Variants in KAZN observed in about 807,000 individuals in gnomAD.
The protein encoded by KAZN is kazrin.
A neutral mutation model predicts 87.4 loss-of-function variants in KAZN; 40 were observed. The ratio of observed to expected loss-of-function variants is 0.46; its 90% CI spans 0.36 to 0.60. The LOEUF (loss-of-function observed/expected upper bound fraction) is 0.60. KAZN is among the 20% of genes least tolerant of loss of function. KAZN has a pLI of 0.00. For synonymous variants in KAZN, 466 were observed against 458.3 expected (o/e 1.02, Z -0.22); for missense variants, 898 against 1,073.9 (o/e 0.84, Z 2.29).
intron 1 of KAZN, among the ~76,000 whole-genome samples, chr1:14,943,341 C>T (rs1168771752): frequency 1.3e-5 from 2 of 152,068 alleles, no homozygotes; most frequent in African/African-American, 4.8e-5. Flanking sequence ...TGCAGGATCA[C>T]TTCCTCAGCA....
chr1:13,936,384 G>T (rs1640746348), intron 1 of KAZN, among the ~76,000 whole-genome samples: 1 of 152,072 alleles, frequency 6.6e-6, no homozygotes, highest in East Asian at 1.9e-4. Flanking sequence ...TTACTGGCAT[G>T]AGCCACCATG....
chr1:14,469,938 A>G (rs1355730763), intron 2 of KAZN, among the ~76,000 whole-genome samples: 2 of 152,164 alleles, frequency 1.3e-5, no homozygotes. Context: ...TAAAACACAA[A>G]GAAATAGTGT....
chr1:14,696,613 C>T (rs1641616275), intron 1 of KAZN, among the ~76,000 whole-genome samples: 1 of 152,212 alleles, frequency 6.6e-6, no homozygotes, highest in Non-Finnish European at 1.5e-5. Context: ...ACAGCAAGAG[C>T]ATCCCCATAG....
At chr1:15,057,991 C>T (rs1455237583) in intron 5 of KAZN, among the ~76,000 whole-genome samples, 1 of 152,238 alleles carries the variant, frequency 6.6e-6, no homozygotes, top group Non-Finnish European at 1.5e-5. Flanking sequence ...GTATCTGCCT[C>T]ACATACAACC....
chr1:14,932,539 C>G (rs752697442), intron 1 of KAZN, among the ~76,000 whole-genome samples: 5 of 152,146 alleles, frequency 3.3e-5, no homozygotes, highest in African/African-American at 1.2e-4. Context: ...TTAAATTGTA[C>G]TTAATTGTAA....
chr1:14,357,712 T>C (rs1397491607), intron 2 of KAZN, among the ~76,000 whole-genome samples: 1 of 152,246 alleles, frequency 6.6e-6, no homozygotes, highest in African/African-American at 2.4e-5. Flanking sequence ...TCTGTTTATG[T>C]GACGGATTAC....
In KAZN at chr1:14,101,357, A is replaced by C. The variant is rs574747808; in HGVS notation, c.92-79078A>C. On this transcript the variant is annotated intron_variant, in intron 1 of 16. Transcript: ENST00000636203. The stretch of plus-strand genomic sequence containing the variant: ...CATTCATCTCTTTGGATGACGGTTT[A>C]TAAGATAAATACTGTTTTTATCTCC... Among the ~76,000 whole-genome samples the C allele has an allele frequency of 2.0e-5, 3 of 152,388 alleles. No homozygotes were observed. In the South Asian group the frequency reaches 6.2e-4, roughly 32 times the overall value.
At chr1:14,977,516 C>G (rs558233551) in intron 2 of KAZN, among the ~76,000 whole-genome samples, 26 of 152,370 alleles carry the variant, frequency 1.7e-4, no homozygotes, top group Middle Eastern at 6.8e-3. Flanking sequence ...ACCAGATCCA[C>G]CTGTGGAATG....
intron 10 of KAZN, among the ~76,000 whole-genome samples, 159 bp downstream of exon 10, chr1:15,095,092 C>A (rs1640747350): frequency 6.6e-6 from 1 of 152,136 alleles, no homozygotes; most frequent in Non-Finnish European, 1.5e-5. Flanking sequence ...GATGAGGGGG[C>A]TTGGGCATAC....
chr1:14,752,922 G>C (rs951428847), intron 1 of KAZN, among the ~76,000 whole-genome samples: 4 of 152,186 alleles, frequency 2.6e-5, no homozygotes, highest in Non-Finnish European at 5.9e-5. Context: ...CTGTGCATTT[G>C]GACCACTCAG....
At chr1:14,661,484 G>C (rs1639160631) in intron 1 of KAZN, among the ~76,000 whole-genome samples, 1 of 152,152 alleles carries the variant, frequency 6.6e-6, no homozygotes, top group South Asian at 2.1e-4. Context: ...CAACTCTGCT[G>C]TTGTAACAGG....
At chr1:14,242,226 G>A (rs537125133) in intron 2 of KAZN, among the ~76,000 whole-genome samples, 3 of 152,290 alleles carry the variant, frequency 2.0e-5, no homozygotes, top group South Asian at 2.1e-4. Context: ...AATAAGAGGA[G>A]AATTACACAG....
At chr1:14,971,244 G>A (rs10737905) in intron 2 of KAZN, among the ~76,000 whole-genome samples, 62,404 of 151,970 alleles carry the variant, frequency 0.41, 15,467 homozygotes, top group African/African-American at 0.7. Context: ...CTAAAAATAC[G>A]AAAATTAGCC....
intron 2 of KAZN, among the ~76,000 whole-genome samples, chr1:14,525,254 G>T (rs979310423): frequency 2.0e-5 from 3 of 151,458 alleles, no homozygotes; most frequent in African/African-American, 7.3e-5. Flanking sequence ...CAGCCATACA[G>T]AATTAGCTTG....
In KAZN at chr1:15,100,800, G is replaced by A. The variant is rs558849736; in HGVS notation, c.1548-743G>A. ...AAAGTTGGAGCATCCCATCTGCAGA[G>A]CGAGGACGGCAGCTTTGCCTTCTTC... On this transcript the variant is annotated intron_variant, in intron 10 of 14. Coordinates refer to ENST00000376030, the MANE Select transcript of KAZN (RefSeq NM_201628.3). Among the ~76,000 whole-genome samples, 29 of 152,364 alleles carry A rather than the reference G, an allele frequency of 1.9e-4. No individual in the cohort carries two copies. In the South Asian group the frequency reaches 4.6e-3, roughly 24 times the overall value.
At chr1:14,278,980 G>C (rs1000702374) in intron 2 of KAZN, among the ~76,000 whole-genome samples, 2 of 124,698 alleles carry the variant, frequency 1.6e-5, no homozygotes, top group South Asian at 5.0e-4. Context: ...ACATGCCACT[G>C]CGTCAATCAG....
Position 14,944,365 on chromosome 1 carries a change from G to T in KAZN, c.227-16319G>T, listed in dbSNP as rs993735647. Among the ~76,000 whole-genome samples, 9 of 152,250 alleles carry T rather than the reference G, an allele frequency of 5.9e-5. No homozygotes were observed. The East Asian group carries it at 1.3e-3, about 23-fold the overall frequency. On this transcript the variant is annotated intron_variant, in intron 1 of 14. Transcript: ENST00000376030. ...GCTGTGTTCATTTCTAGTCCTGAAA[G>T]GTTGTGGCCTGATGCCGGGGAGACA...
At chr1:14,250,594 C>T (rs1417624319) in intron 2 of KAZN, among the ~76,000 whole-genome samples, 3 of 151,456 alleles carry the variant, frequency 2.0e-5, no homozygotes, top group Non-Finnish European at 4.4e-5. Context: ...TGAGATTCAA[C>T]ATTAAGACTT....
chr1:14,966,964 C>T (rs570513493), intron 2 of KAZN, among the ~76,000 whole-genome samples: 149 of 152,300 alleles, frequency 9.8e-4, no homozygotes, highest in African/African-American at 3.4e-3. Context: ...CCACTGCACC[C>T]GGCCCCCGCA....
Sources: allele counts gnomAD v4.1 joint callset (sites outside exome capture counted in the v4.1 genomes callset), GRCh38; gene constraint gnomAD v4.1.1; transcripts MANE v1.5; gene names NCBI Gene and HGNC (gene_info 2026-07-23, HGNC 2026-07-21).